MYZAP: variants seen among roughly 807,000 people sequenced by gnomAD.
MYZAP encodes the protein myocardial zonula adherens protein, also known as GRINL1A complex locus upstream.
In MYZAP, 66 loss-of-function variants were observed where a neutral mutation model predicts 69.4. The observed-to-expected ratio is 0.95, with a 90% confidence interval of 0.78 to 1.17. MYZAP has a LOEUF of 1.17. MYZAP is among the 50% of genes most tolerant of loss of function. MYZAP has a pLI of 0.00. For synonymous variants in MYZAP, 256 were observed against 205.9 expected, an observed-to-expected ratio of 1.24 and a Z score of -2.09; for missense variants, 611 against 556.2, an observed-to-expected ratio of 1.10 and a Z score of -0.99.
chr15:57,633,495 G>C (rs1464134756), intron 7 of MYZAP, 118 bp from the exon 8 acceptor site: 3 of 1,365,514 alleles, frequency 2.2e-6, no homozygotes, highest in South Asian at 2.2e-5. Flanking sequence ...ACACTTTCAG[G>C]TTCCAAGGTC....
chr15:57,678,758 A>G (rs1196178539), intron 12 of MYZAP, among the ~76,000 whole-genome samples: 1 of 152,090 alleles, frequency 6.6e-6, no homozygotes, highest in Non-Finnish European at 1.5e-5. Context: ...CACTTGTCTT[A>G]TTGTAGAATA....
At chr15:57,661,613 T>C in intron 11 of MYZAP, 80 bp downstream of exon 11, 2 of 1,227,784 alleles carry the variant, frequency 1.6e-6, no homozygotes, top group South Asian at 1.4e-5. Flanking sequence ...CGACACTTAA[T>C]TAAAAATATG....
At chr15:57,599,800 C>A in intron 1 of MYZAP, 1 of 916,340 alleles carries the variant, frequency 1.1e-6, no homozygotes, top group Non-Finnish European at 1.5e-6. Flanking sequence ...ACTCGGACAA[C>A]TTTATGGGTG....
intron 2 of MYZAP, among the ~76,000 whole-genome samples, chr15:57,609,501 T>A (rs1393160415): frequency 6.6e-6 from 1 of 152,198 alleles, no homozygotes; most frequent in African/African-American, 2.4e-5. Flanking sequence ...TTTCCCCTTT[T>A]TATAGGGACA....
rs569157044 is a variant in MYZAP, at chr15:57,604,781, C to G, written c.162+426C>G. Among the ~76,000 whole-genome samples, 11 of 152,350 alleles carry G rather than the reference C, an allele frequency of 7.2e-5. No homozygotes were observed. In the East Asian group the frequency reaches 2.1e-3, roughly 29 times the overall value. On this transcript the variant is annotated intron_variant, in intron 2 of 12. Coordinates refer to ENST00000267853, the MANE Select transcript of MYZAP (RefSeq NM_001018100.5). ...CTGCTCCCGCAGAAGAGAGGAAAGG[C>G]TGGCAGGCAGGCTGGTGCAGGGAAA...
chr15:57,609,945 G>A (rs1296990618), intron 2 of MYZAP, among the ~76,000 whole-genome samples: 1 of 151,866 alleles, frequency 6.6e-6, no homozygotes, highest in Non-Finnish European at 1.5e-5. Context: ...GTATATGCAG[G>A]GACACACACA....
chr15:57,670,562 A>G (rs1430669307), intron 11 of MYZAP, among the ~76,000 whole-genome samples: 1 of 152,026 alleles, frequency 6.6e-6, no homozygotes, highest in Non-Finnish European at 1.5e-5. Flanking sequence ...TAATTGGAGT[A>G]TGTAGTTTAC....
intron 11 of MYZAP, among the ~76,000 whole-genome samples, chr15:57,673,491 TG>T (rs2038973345): frequency 6.6e-6 from 1 of 150,582 alleles, no homozygotes; most frequent in Non-Finnish European, 1.5e-5. Context: ...TGTGTGTGTG[TG>T]TGTGTGTGTG....
At chr15:57,602,937 C>A (rs1359138451) in intron 1 of MYZAP, among the ~76,000 whole-genome samples, 3 of 152,144 alleles carry the variant, frequency 2.0e-5, no homozygotes, top group Middle Eastern at 3.2e-3. Context: ...TTATAGTAGT[C>A]CATTTTTCCC....
intron 2 of MYZAP, among the ~76,000 whole-genome samples, chr15:57,614,477 C>T (rs1207613587): frequency 2.6e-5 from 4 of 152,170 alleles, no homozygotes; most frequent in African/African-American, 7.2e-5. Flanking sequence ...TCAGGAAAGG[C>T]GTTCTTGATT....
rs1468446680 is a variant in MYZAP, at chr15:57,636,200, G to A, written c.934-1495G>A. Among the ~76,000 whole-genome samples the A allele has an allele frequency of 7.3e-5, 11 of 151,170 alleles. 1 individual carries two copies. The South Asian group carries it at 8.3e-4, about 11-fold the overall frequency. Reference sequence around the variant, plus strand: ...TGAAAGCTTTTATCACTGTTATTTCGGGGCTAATGTAAAACTTCCAACCAC... The same window carrying A: ...TGAAAGCTTTTATCACTGTTATTTCAGGGCTAATGTAAAACTTCCAACCAC... On this transcript the variant is annotated intron_variant, in intron 8 of 12. Coordinates refer to ENST00000267853, the MANE Select transcript of MYZAP (RefSeq NM_001018100.5).
At chr15:57,605,106 C>G (rs2034662536) in intron 2 of MYZAP, among the ~76,000 whole-genome samples, 1 of 152,156 alleles carries the variant, frequency 6.6e-6, no homozygotes, top group Non-Finnish European at 1.5e-5. Flanking sequence ...ACCCATTTTA[C>G]TCATTCATAA....
chr15:57,633,742 G>A lies in MYZAP; in HGVS notation c.933+1G>A. ...CAGGCTGATTGAGCGCATGGAAAAG[G>A]TAGGACACAGCGTTGGGCCTATTGC... On this transcript the variant is annotated splice_donor_variant, in intron 8 of 12. Coordinates refer to ENST00000267853, the MANE Select transcript of MYZAP (RefSeq NM_001018100.5). LOFTEE classifies it high-confidence loss of function. 6.2e-7 allele frequency: 1 copy of A among 1,601,430 alleles called. No individual in the cohort carries two copies.
chr15:57,678,757 T>C (rs7181645), intron 12 of MYZAP, among the ~76,000 whole-genome samples: 144,777 of 152,188 alleles, frequency 0.95, 69,200 homozygotes, highest in Non-Finnish European at 1. Context: ...GCACTTGTCT[T>C]ATTGTAGAAT....
At chr15:57,663,474 C>T (rs1226140337) in intron 11 of MYZAP, among the ~76,000 whole-genome samples, 1 of 152,140 alleles carries the variant, frequency 6.6e-6, no homozygotes, top group African/African-American at 2.4e-5. Flanking sequence ...GAGCCAATAG[C>T]GGTGCCATAT....
intron 10 of MYZAP, among the ~76,000 whole-genome samples, chr15:57,661,200 C>G (rs780184834): frequency 4.6e-5 from 7 of 152,180 alleles, no homozygotes; most frequent in Non-Finnish European, 1.0e-4. Flanking sequence ...ATCATGTCTG[C>G]TGCCCCAAGC....
intron 12 of MYZAP, among the ~76,000 whole-genome samples, chr15:57,679,376 T>TGTGTGTGTGTGTGTG (rs57864057): frequency 7.4e-6 from 1 of 135,792 alleles, no homozygotes; most frequent in Non-Finnish European, 1.5e-5. Context: ...GTGTGTGTGT[T>TGTGTGTGTGTGTGTG]TCTCTCTCTC....
At position 57,604,332 on chromosome 15, in the gene MYZAP, A is replaced by G. The variant is rs766505405; in HGVS notation, c.139A>G (p.Lys47Glu). 2.4e-5 allele frequency: 39 copies of G among 1,614,090 alleles called. No individual in the cohort carries two copies. The South Asian group carries it at 4.1e-4, about 17-fold the overall frequency. Residue 47 changes from lysine (K) to glutamate (E), a missense_variant, in exon 2 of 13, where the codon AAG (lysine) becomes GAG (glutamate). Transcript: ENST00000267853. Reference protein sequence around the residue: ...PESPVPEQCEKKIERKEQLLD... With the variant: ...PESPVPEQCEEKIERKEQLLD... ...GAGTCCAGTTCCTGAGCAATGTGAA[A>G]AGAAGATTGAGAGAAAAGAGCAGGT...
intron 1 of MYZAP, among the ~76,000 whole-genome samples, chr15:57,593,585 A>C (rs2033865299): frequency 6.6e-6 from 1 of 152,198 alleles, no homozygotes; most frequent in Admixed American, 6.5e-5. Context: ...ACATTTCTGA[A>C]GATTTTGGGT....
Sources: gnomAD v4.1 joint callset for allele counts (sites outside exome capture counted in the v4.1 genomes callset) on GRCh38, gnomAD v4.1.1 for gene constraint, MANE v1.5 for transcripts, NCBI Gene and HGNC (gene_info 2026-07-23, HGNC 2026-07-21) for gene names.